Variants in SLC9A6 observed in about 807,000 individuals in gnomAD.
SLC9A6 encodes solute carrier family 9 member A6.
In SLC9A6, 6 loss-of-function variants were observed where a neutral mutation model predicts 45.3. The ratio of observed to expected loss-of-function variants is 0.13; its 90% CI spans 0.07 to 0.26. The LOEUF (loss-of-function observed/expected upper bound fraction) is 0.26. Ranked by LOEUF, SLC9A6 falls within the 10% of genes least tolerant of loss-of-function variation. SLC9A6 has a pLI of 1.00. For missense variants in SLC9A6, 278 were observed against 503.7 expected (o/e 0.55, Z 4.29); for synonymous variants, 191 against 187.7 (o/e 1.02, Z -0.14).
chrX:136,038,955 C>T (rs1385345565), intron 16 of SLC9A6, among the ~76,000 whole-genome samples: 2 of 110,358 alleles, frequency 1.8e-5, no homozygotes, highest in African/African-American at 3.3e-5. Flanking sequence ...TTTTATAAAG[C>T]GTGTTTATAT....
chrX:136,032,226 C>A (rs2071337211), intron 15 of SLC9A6, among the ~76,000 whole-genome samples: 1 of 112,052 alleles, frequency 8.9e-6, no homozygotes, highest in Non-Finnish European at 1.9e-5. Flanking sequence ...TGCCACCACG[C>A]CCAGCTCATT....
At chrX:135,978,808 A>G (rs1335681296) in intron 1 of SLC9A6, among the ~76,000 whole-genome samples, 1 of 111,040 alleles carries the variant, frequency 9.0e-6, no homozygotes, top group African/African-American at 3.3e-5. Flanking sequence ...TGACCCTTCT[A>G]GTCTTAAAGC....
At chrX:136,011,156 C>T (rs531858512) in intron 8 of SLC9A6, among the ~76,000 whole-genome samples, 2 of 112,476 alleles carry the variant, frequency 1.8e-5, no homozygotes, top group African/African-American at 6.5e-5. Flanking sequence ...CATTTTATCC[C>T]GGACTTCACC....
chrX:136,019,560 A>G (rs896194946), intron 11 of SLC9A6, among the ~76,000 whole-genome samples: 2 of 112,556 alleles, frequency 1.8e-5, no homozygotes, highest in South Asian at 3.7e-4. Flanking sequence ...GTTGGCCCAC[A>G]TGTTTCGTGG....
chrX:136,042,344 T>G (rs1402979187), intron 17 of SLC9A6, among the ~76,000 whole-genome samples: 1 of 110,477 alleles, frequency 9.1e-6, no homozygotes, highest in East Asian at 2.9e-4. Flanking sequence ...CCAGCTCATT[T>G]TTCTGTATTT....
At position 136,044,802 on chromosome X, in the gene SLC9A6, A is replaced by G. The variant is rs928720742; in HGVS notation, c.*78A>G. On this transcript the variant is annotated 3_prime_UTR_variant, in exon 18 of 18. Transcript: ENST00000630721. ...GAAATTTGTACTACCTAAAAGTCCCAGTGCATGTCTCTGAATGTGTAAGCT... is the reference window on the plus strand; with the variant it reads ...GAAATTTGTACTACCTAAAAGTCCCGGTGCATGTCTCTGAATGTGTAAGCT... The G allele has an allele frequency of 1.2e-5, 11 of 906,931 alleles. No homozygotes were observed. The South Asian group carries it at 2.2e-4, about 18-fold the overall frequency. 74.7% of individuals were successfully genotyped at this position (906,931 alleles called of 1,213,427 possible).
upstream of SLC9A6, chrX:135,973,886 G>C: frequency 8.7e-7 from 1 of 1,152,266 alleles, no homozygotes; most frequent in Non-Finnish European, 1.2e-6. Flanking sequence ...AAAGGTCCGC[G>C]AGAACCCACG....
chrX:136,036,621 C>T (rs781863306), intron 16 of SLC9A6, among the ~76,000 whole-genome samples: 56 of 112,720 alleles, frequency 5.0e-4, no homozygotes, highest in African/African-American at 1.5e-3. Flanking sequence ...TCAGGTGATC[C>T]TCCTGCCTCA....
At chrX:135,973,919 C>T (rs1339048420), upstream of SLC9A6, 29 of 1,133,389 alleles carry the variant, frequency 2.6e-5, no homozygotes, top group Non-Finnish European at 3.3e-5. Context: ...GGAGGCCTCT[C>T]TAGGAGGGCC....
chrX:135,987,961 A>G (rs1159273842), intron 2 of SLC9A6, among the ~76,000 whole-genome samples: 6 of 111,702 alleles, frequency 5.4e-5, no homozygotes, highest in African/African-American at 2.0e-4. Context: ...TTGCTGTTAC[A>G]ACTGCATTTT....
At position 136,044,541 on chromosome X, in the gene SLC9A6, T is replaced by C. The variant is rs398124223; in HGVS notation, c.1857T>C (p.Thr619=). 8.3e-7 allele frequency: 1 copy of C among 1,210,809 alleles called. No homozygotes were observed. Among genetic ancestry groups the C allele is most frequent in the Non-Finnish European group, 1.1e-6 (1 of 894,638 alleles). The change falls in exon 18 of 18, where the codon ACT becomes ACC. Residue 619 remains threonine (T), a synonymous_variant. Transcript: ENST00000630721. ...CATATGGAGATTCTACTGTGAACAC[T>C]GAACCGGCCACATCCAGCGCCCCAA... is the stretch of plus-strand genomic sequence containing the variant. The part of the protein sequence containing the change: ...SLTYGDSTVN[T]EPATSSAPRR...
chrX:135,990,162 A>G (rs782756636), intron 2 of SLC9A6, among the ~76,000 whole-genome samples: 44 of 109,725 alleles, frequency 4.0e-4, no homozygotes, highest in African/African-American at 1.4e-3. Context: ...AATTTTTTGT[A>G]ATTTTAGTAG....
intron 13 of SLC9A6, among the ~76,000 whole-genome samples, chrX:136,026,086 G>T (rs1404270330): frequency 8.9e-6 from 1 of 111,972 alleles, no homozygotes; most frequent in Non-Finnish European, 1.9e-5. Context: ...TAACATAGTT[G>T]GTCACTTAAT....
At chrX:136,010,376 T>C (rs1383764766) in intron 7 of SLC9A6, 66 bp from the exon 8 acceptor site, 4 of 1,111,423 alleles carry the variant, frequency 3.6e-6, no homozygotes. Context: ...TCAAGCTCTA[T>C]ACTACATAAT....
intron 2 of SLC9A6, among the ~76,000 whole-genome samples, chrX:135,994,324 C>T (rs1164427760): frequency 5.4e-5 from 6 of 110,240 alleles, no homozygotes; most frequent in African/African-American, 2.0e-4. Flanking sequence ...AGGCTGGTCT[C>T]GAACTTCTGA....
At chrX:136,012,803 C>G (rs2070948346) in intron 8 of SLC9A6, 146 bp from the exon 9 acceptor site, 2 of 514,650 alleles carry the variant, frequency 3.9e-6, no homozygotes, top group African/African-American at 4.6e-5. Context: ...TTAAAAGTCT[C>G]CCTATTCTGG....
intron 1 of SLC9A6, among the ~76,000 whole-genome samples, chrX:135,977,333 T>C (rs886913904): frequency 3.6e-5 from 4 of 112,313 alleles, no homozygotes; most frequent in South Asian, 3.7e-4. Context: ...TGAAGACTTA[T>C]CACGTTTCCC....
intron 2 of SLC9A6, among the ~76,000 whole-genome samples, chrX:135,989,611 T>C (rs1180022144): frequency 8.9e-6 from 1 of 112,375 alleles, no homozygotes; most frequent in Non-Finnish European, 1.9e-5. Context: ...ATCATATCTT[T>C]CACAAAACTA....
Position 136,003,051 on chromosome X carries a change from C to T in SLC9A6, c.743+838C>T, listed in dbSNP as rs781894797. Among the ~76,000 whole-genome samples, 9 of 106,145 alleles carry T rather than the reference C, an allele frequency of 8.5e-5. No individual in the cohort carries two copies. In the East Asian group the frequency reaches 1.2e-3, roughly 14 times the overall value. The allele number at this position is 106,145 out of a possible 115,157, so 92.2% of individuals were successfully genotyped here. On this transcript the variant is annotated intron_variant, in intron 7 of 17. Coordinates refer to ENST00000630721, the MANE Select transcript of SLC9A6 (RefSeq NM_001379110.1). Reference sequence around the variant, plus strand: ...TCCCCCAGGCTGGAGTGCAATGGCACGGTCTTGGCTCACTGCAACCTCTGC... The same window carrying T: ...TCCCCCAGGCTGGAGTGCAATGGCATGGTCTTGGCTCACTGCAACCTCTGC...
Sources: allele counts gnomAD v4.1 joint callset (sites outside exome capture counted in the v4.1 genomes callset), GRCh38; gene constraint gnomAD v4.1.1; transcripts MANE v1.5; gene names NCBI Gene and HGNC (gene_info 2026-07-23, HGNC 2026-07-21).